Variants in P4HA1 observed in about 807,000 individuals in gnomAD.
P4HA1 encodes prolyl 4-hydroxylase subunit alpha-1.
P4HA1 carries 24 observed loss-of-function variants against 72.8 expected under a neutral mutation model. That is an observed-to-expected ratio of 0.33 (90% confidence interval 0.24 to 0.46). The LOEUF is 0.46. Among genes scored for constraint, P4HA1 ranks in the 20% least tolerant of loss-of-function variants. The pLI is 1.00. For missense variants in P4HA1, 446 were observed against 640.6 expected (o/e 0.70, Z 3.28); for synonymous variants, 201 against 218.8 (o/e 0.92, Z 0.72).
rs1302552357 is a variant in P4HA1, at chr10:73,059,423, TTAAAAAAAAAAAAAAAAA to T, written c.464-5851_464-5834del. 1.3e-3 allele frequency among the ~76,000 whole-genome samples: 60 copies of T among 47,584 alleles called. 2 individuals carry two copies. Among genetic ancestry groups the T allele is most frequent in the African/African-American group, 5.1e-3 (57 of 11,104 alleles). 31.2% of individuals were successfully genotyped at this position (47,584 alleles called of 152,430 possible). On this transcript the variant is annotated intron_variant, in intron 5 of 14. Transcript: ENST00000394890. ...CGGGCAAAATAATGAGACAATATAT[TTAAAAAAAAAAAAAAAAA>T]AAAAAAAAAAAAAAAAAAAAGGCTG... is the stretch of plus-strand genomic sequence containing the variant.
intron 10 of P4HA1, among the ~76,000 whole-genome samples, chr10:73,027,801 G>A (rs1275331164): frequency 7.6e-6 from 1 of 131,566 alleles, no homozygotes; most frequent in Non-Finnish European, 1.6e-5. Context: ...TGGAAGGAAG[G>A]AAATATGGAA....
chr10:73,032,725 C>T (rs987081652), intron 9 of P4HA1, among the ~76,000 whole-genome samples: 4 of 152,310 alleles, frequency 2.6e-5, no homozygotes, highest in East Asian at 1.9e-4. Flanking sequence ...TTACCTCTCC[C>T]GCTGCCAGAC....
At chr10:73,089,412 G>C (rs1841982510) in intron 1 of P4HA1, among the ~76,000 whole-genome samples, 1 of 152,046 alleles carries the variant, frequency 6.6e-6, no homozygotes, top group African/African-American at 2.4e-5. Flanking sequence ...ATGAAGACAA[G>C]CCAACAACTG....
At chr10:73,020,260 G>C (rs868480741) in intron 10 of P4HA1, among the ~76,000 whole-genome samples, 31 of 151,926 alleles carry the variant, frequency 2.0e-4, no homozygotes, top group African/African-American at 5.3e-4. Context: ...AGATTATTAT[G>C]AACACCTCTA....
At chr10:73,052,534 G>A (rs1453874119) in intron 6 of P4HA1, among the ~76,000 whole-genome samples, 1 of 152,044 alleles carries the variant, frequency 6.6e-6, no homozygotes, top group African/African-American at 2.4e-5. Flanking sequence ...TTTAAGTCAA[G>A]AGGAAATACC....
Position 73,096,840 on chromosome 10 carries a change from C to G in P4HA1, c.-107G>C, listed in dbSNP as rs552421243. ...CCACTCGGAGCGGCTACTTCCTACCCTCAGCCCGCTGGCGGCGCGACTGGG... is the reference window on the plus strand; with the variant it reads ...CCACTCGGAGCGGCTACTTCCTACCGTCAGCCCGCTGGCGGCGCGACTGGG... On this transcript the variant is annotated 5_prime_UTR_variant, in exon 1 of 15. Transcript: ENST00000394890. 3 of 152,862 alleles carry G rather than the reference C, an allele frequency of 2.0e-5. No homozygotes were observed. The highest frequency in any genetic ancestry group is 2.1e-4 in the South Asian group (1 of 4,834). 9.5% of individuals were successfully genotyped at this position (152,862 alleles called of 1,614,324 possible). A position where few individuals can be genotyped will look rare whatever the true frequency, so the allele number is the denominator to read the frequency against.
rs541791106 is a variant in P4HA1, at chr10:73,053,012, A to G, written c.703+339T>C. 9.2e-5 allele frequency among the ~76,000 whole-genome samples: 14 copies of G among 152,384 alleles called. No homozygotes were observed. The East Asian group carries it at 2.7e-3, about 29-fold the overall frequency. ...ATTTTAAATCACTTTATTTTAAAAT[A>G]TGAAATGCAATAAAACATAACACCC... is the stretch of plus-strand genomic sequence containing the variant. On this transcript the variant is annotated intron_variant, in intron 6 of 14. Transcript: ENST00000394890.
intron 14 of P4HA1, 184 bp downstream of exon 14, chr10:73,009,620 TAAA>T (rs1839869077): frequency 2.1e-6 from 1 of 467,862 alleles, no homozygotes; most frequent in African/African-American, 2.6e-5. Context: ...TAGTTAAAAA[TAAA>T]ATCTGTCATC....
intron 12 of P4HA1, among the ~76,000 whole-genome samples, chr10:73,012,625 C>CAG (rs142054878): frequency 0.16 from 23,782 of 151,562 alleles, 3,133 homozygotes; most frequent in African/African-American, 0.34. Flanking sequence ...GGAAAGAAAA[C>CAG]AAACAGGGAA....
At chr10:73,069,484 A>C (rs1388180322) in intron 4 of P4HA1, among the ~76,000 whole-genome samples, 1 of 152,152 alleles carries the variant, frequency 6.6e-6, no homozygotes, top group Non-Finnish European at 1.5e-5. Context: ...TTCTTCAAGG[A>C]GAAGGAAGAG....
At chr10:73,024,041 A>T (rs1411056004) in intron 10 of P4HA1, among the ~76,000 whole-genome samples, 7 of 152,136 alleles carry the variant, frequency 4.6e-5, no homozygotes, top group South Asian at 4.1e-4. Context: ...AATAATAATG[A>T]GAGACTTTAA....
At position 73,068,834 on chromosome 10, in the gene P4HA1, G is replaced by A. The variant is rs369454861; in HGVS notation, c.463+12C>T. On this transcript the variant is annotated intron_variant, in intron 5 of 14. Coordinates refer to ENST00000394890, the MANE Select transcript of P4HA1 (RefSeq NM_001017962.3). ...GTGATAGGTATTTTATAGAATGGAA[G>A]AATGATCTTACCTGGAAGATTACCC... is the stretch of plus-strand genomic sequence containing the variant. The A allele has an allele frequency of 5.0e-6, 8 of 1,607,128 alleles. No individual in the cohort carries two copies. In the African/African-American group the frequency reaches 9.4e-5, roughly 19 times the overall value.
At chr10:73,054,347 T>C (rs978516902) in intron 5 of P4HA1, among the ~76,000 whole-genome samples, 6 of 152,204 alleles carry the variant, frequency 3.9e-5, no homozygotes, top group Non-Finnish European at 8.8e-5. Flanking sequence ...AATTCACTCA[T>C]TGAAAGATTA....
chr10:73,041,498 G>A (rs947989107), intron 9 of P4HA1, among the ~76,000 whole-genome samples: 150 of 147,630 alleles, frequency 1.0e-3, no homozygotes, highest in African/African-American at 3.0e-3. Context: ...CCAAGATTGC[G>A]CCACTGCACT....
At chr10:73,041,543 C>T (rs1395847849) in intron 9 of P4HA1, among the ~76,000 whole-genome samples, 3 of 140,266 alleles carry the variant, frequency 2.1e-5, no homozygotes, top group Admixed American at 6.8e-5. Context: ...ACTCCATCCC[C>T]CCCCCAAAAA....
intron 4 of P4HA1, chr10:73,071,354 A>G (rs1841558622): frequency 6.6e-6 from 1 of 151,994 alleles, no homozygotes; most frequent in Non-Finnish European, 1.5e-5. Context: ...GCTTACAAAC[A>G]CTGGTAAGTA....
chr10:73,053,411 C>T lies in P4HA1; in HGVS notation c.643G>A (p.Val215Ile). 6.2e-7 allele frequency: 1 copy of T among 1,613,962 alleles called. No homozygotes were observed. The highest frequency in any genetic ancestry group is 8.5e-7 in the Non-Finnish European group (1 of 1,179,804). Reference sequence around the variant, plus strand: ...TTATCCAGGTCTCCCTGCTGATATACCGCATAGCTCAAATAATCTAGAACA... The same window carrying T: ...TTATCCAGGTCTCCCTGCTGATATATCGCATAGCTCAAATAATCTAGAACA... ...VSVLDYLSYA[V>I]YQQGDLDKAL... The change falls in exon 6 of 15, where the codon GTA (valine) becomes ATA (isoleucine). Residue 215 changes from valine (V) to isoleucine (I), a missense_variant. Coordinates refer to ENST00000394890, the MANE Select transcript of P4HA1 (RefSeq NM_001017962.3).
intron 10 of P4HA1, among the ~76,000 whole-genome samples, chr10:73,024,502 A>C (rs1289595389): frequency 6.6e-6 from 1 of 151,910 alleles, no homozygotes; most frequent in Non-Finnish European, 1.5e-5. Context: ...AGTGTAGAGG[A>C]AAATTTATAG....
intron 8 of P4HA1, 72 bp downstream of exon 8, chr10:73,046,853 C>A (rs1410368194): frequency 8.7e-7 from 1 of 1,150,888 alleles, no homozygotes; most frequent in Non-Finnish European, 1.3e-6. Context: ...ATCAATTATC[C>A]TATTTTTTTA....
Sources: allele counts gnomAD v4.1 joint callset (sites outside exome capture counted in the v4.1 genomes callset), GRCh38; gene constraint gnomAD v4.1.1; transcripts MANE v1.5; gene names NCBI Gene and HGNC (gene_info 2026-07-23, HGNC 2026-07-21).